The following SLC24A2 variants were observed in gnomAD, a reference collection of about 807,000 sequenced individuals.
SLC24A2 encodes solute carrier family 24 member 2, also known as sodium/potassium/calcium exchanger 2.
Under a neutral mutation model 62.0 loss-of-function variants are expected in SLC24A2, and 36 were observed. The ratio of observed to expected loss-of-function variants is 0.58; its 90% CI spans 0.44 to 0.77. The LOEUF (loss-of-function observed/expected upper bound fraction) is 0.77. SLC24A2 is among the 30% of genes least tolerant of loss of function. The pLI, the probability that SLC24A2 is intolerant of heterozygous loss-of-function variation, is 0.00. For synonymous variants in SLC24A2, 358 were observed against 294.0 expected, an observed-to-expected ratio of 1.22 and a Z score of -2.23; for missense variants, 846 against 817.9, an observed-to-expected ratio of 1.03 and a Z score of -0.42.
chr9:19,773,907 T>G (rs1311185437), intron 2 of SLC24A2, among the ~76,000 whole-genome samples: 2 of 152,236 alleles, frequency 1.3e-5, no homozygotes, highest in African/African-American at 4.8e-5. Flanking sequence ...GATAGGGAAC[T>G]ATTTCTCTCT....
the SLC24A2 span, among the ~76,000 whole-genome samples, chr9:19,914,670 T>G: frequency 1.3e-5 from 2 of 152,222 alleles, no homozygotes; most frequent in Non-Finnish European, 2.9e-5. Flanking sequence ...GACAAGAGAT[T>G]ACGATAATAA....
chr9:19,520,834 T>A lies in SLC24A2; in HGVS notation c.1736+60A>T, dbSNP rs1833164765. On this transcript the variant is annotated intron_variant, in intron 10 of 10. Transcript: ENST00000341998. ...ATCCTGGTCATGTCTTTCCAGCTTC[T>A]AAGAAGACAAAGACACTGGTGGAGC... is the stretch of plus-strand genomic sequence containing the variant. The A allele has an allele frequency of 7.2e-6, 11 of 1,536,008 alleles. No individual in the cohort carries two copies. The South Asian group carries it at 1.1e-4, about 16-fold the overall frequency.
chr9:19,902,973 G>A, the SLC24A2 span, among the ~76,000 whole-genome samples: 1 of 151,808 alleles, frequency 6.6e-6, no homozygotes, highest in African/African-American at 2.4e-5. Flanking sequence ...GCAAAGTGAG[G>A]ACAGATCCTA....
chr9:19,999,540 G>A, the SLC24A2 span, among the ~76,000 whole-genome samples: 1 of 152,148 alleles, frequency 6.6e-6, no homozygotes, highest in South Asian at 2.1e-4. Context: ...AAAAGTCTGA[G>A]TAAACTCTAT....
At chr9:19,955,258 A>G in the SLC24A2 span, among the ~76,000 whole-genome samples, 4 of 152,162 alleles carry the variant, frequency 2.6e-5, no homozygotes, top group African/African-American at 9.6e-5. Context: ...TTATTCCATA[A>G]GAGAAAGGTG....
chr9:19,706,624 C>T (rs535691914), intron 2 of SLC24A2, among the ~76,000 whole-genome samples: 4 of 152,190 alleles, frequency 2.6e-5, no homozygotes, highest in Admixed American at 2.0e-4. Flanking sequence ...GTGATCCGCT[C>T]GTCTCGGCCT....
At chr9:19,808,885 A>G in the SLC24A2 span, among the ~76,000 whole-genome samples, 1 of 152,186 alleles carries the variant, frequency 6.6e-6, no homozygotes, top group African/African-American at 2.4e-5. The surrounding 1 kb of genome is among the most constrained non-coding windows in gnomAD (Gnocchi z 4.1). Context: ...GCCAGTGTTT[A>G]GATTTACCAT....
the SLC24A2 span, among the ~76,000 whole-genome samples, chr9:20,049,377 T>C: frequency 8.5e-5 from 13 of 152,210 alleles, no homozygotes; most frequent in Non-Finnish European, 1.2e-4. Flanking sequence ...TTTTTTTTCT[T>C]GGAGTATCTA....
At chr9:20,057,973 C>A in the SLC24A2 span, among the ~76,000 whole-genome samples, 3 of 152,078 alleles carry the variant, frequency 2.0e-5, no homozygotes, top group Non-Finnish European at 4.4e-5. Flanking sequence ...TGTGGTCATC[C>A]TTCAGAAGCC....
intron 8 of SLC24A2, among the ~76,000 whole-genome samples, chr9:19,536,189 ATTTTTT>A (rs1833965810): frequency 1.4e-5 from 2 of 142,708 alleles, no homozygotes; most frequent in African/African-American, 2.6e-5. Flanking sequence ...TTTTTTTTTA[ATTTTTT>A]ATTTATTTAT....
chr9:20,165,024 A>G, the SLC24A2 span, among the ~76,000 whole-genome samples: 2 of 149,304 alleles, frequency 1.3e-5, no homozygotes, highest in Non-Finnish European at 3.0e-5. Context: ...TAGGAGATAT[A>G]CCTAATGCTA....
chr9:20,150,103 G>T, the SLC24A2 span, among the ~76,000 whole-genome samples: 332 of 152,020 alleles, frequency 2.2e-3, 1 homozygote, highest in Admixed American at 5.6e-3. Context: ...CCTTCTCTAG[G>T]TTACAGTACT....
chr9:20,045,663 C>T, the SLC24A2 span, among the ~76,000 whole-genome samples: 86 of 152,126 alleles, frequency 5.7e-4, no homozygotes, highest in African/African-American at 2.0e-3. Context: ...GAATTCCTGA[C>T]CTCGTGATCT....
At chr9:20,087,528 C>T in the SLC24A2 span, among the ~76,000 whole-genome samples, 10 of 152,190 alleles carry the variant, frequency 6.6e-5, no homozygotes, top group Non-Finnish European at 1.5e-4. Context: ...CTGGTCAAAT[C>T]TCAAAGAGAG....
chr9:19,960,968 C>T, the SLC24A2 span, among the ~76,000 whole-genome samples: 24 of 151,136 alleles, frequency 1.6e-4, no homozygotes, highest in Non-Finnish European at 2.8e-4. Context: ...CTGGAATGCC[C>T]TAGACTAGGT....
At chr9:19,956,737 T>A in the SLC24A2 span, among the ~76,000 whole-genome samples, 1 of 152,126 alleles carries the variant, frequency 6.6e-6, no homozygotes, top group African/African-American at 2.4e-5. Context: ...CCCACCAGAT[T>A]CCTCCCATGA....
chr9:20,017,382 T>C, the SLC24A2 span, among the ~76,000 whole-genome samples: 1 of 152,216 alleles, frequency 6.6e-6, no homozygotes, highest in East Asian at 1.9e-4. Context: ...TCTAAATTTT[T>C]CTATTTTTTG....
the SLC24A2 span, among the ~76,000 whole-genome samples, chr9:19,862,003 G>A: frequency 1.3e-5 from 2 of 152,158 alleles, no homozygotes; most frequent in East Asian, 1.9e-4. Flanking sequence ...AGAGGAGGTA[G>A]AGAAAGAGAC....
At chr9:20,204,344 C>T in the SLC24A2 span, among the ~76,000 whole-genome samples, 1 of 152,186 alleles carries the variant, frequency 6.6e-6, no homozygotes, top group Non-Finnish European at 1.5e-5. Context: ...GTTGCCACGT[C>T]TTCTGCATAA....
Sources: gnomAD v4.1 joint callset for allele counts (sites outside exome capture counted in the v4.1 genomes callset) on GRCh38, gnomAD v4.1.1 for gene constraint, Gnocchi (gnomAD v3.1) non-coding constraint, MANE v1.5 for transcripts, NCBI Gene and HGNC (gene_info 2026-07-23, HGNC 2026-07-21) for gene names.